The following SDCCAG8 variants were observed in gnomAD, a reference collection of about 807,000 sequenced individuals.
SDCCAG8 encodes SHH signaling and ciliogenesis regulator SDCCAG8.
Under a neutral mutation model 101.8 loss-of-function variants are expected in SDCCAG8, and 74 were observed. The ratio of observed to expected loss-of-function variants is 0.73; its 90% CI spans 0.60 to 0.88. SDCCAG8 has a LOEUF of 0.88. SDCCAG8 is among the 40% of genes least tolerant of loss of function. The pLI is 0.00. For synonymous variants in SDCCAG8, 281 were observed against 292.9 expected, an observed-to-expected ratio of 0.96 and a Z score of 0.41; for missense variants, 787 against 822.6, an observed-to-expected ratio of 0.96 and a Z score of 0.53.
At chr1:243,281,000 A>C (rs1181760302) in intron 4 of SDCCAG8, among the ~76,000 whole-genome samples, 2 of 152,068 alleles carry the variant, frequency 1.3e-5, no homozygotes, top group African/African-American at 4.8e-5. Flanking sequence ...GAAATTTCCA[A>C]CTGTAATAGT....
chr1:243,451,310 A>G (rs1168933414), intron 16 of SDCCAG8, among the ~76,000 whole-genome samples: 1 of 152,190 alleles, frequency 6.6e-6, no homozygotes, highest in Non-Finnish European at 1.5e-5. Context: ...AAGATGGAAA[A>G]CATTCATGCC....
At position 243,304,736 on chromosome 1, in the gene SDCCAG8, G is replaced by A. The variant is rs1200233237; in HGVS notation, c.699G>A (p.Glu233=). The change falls in exon 7 of 18, where the codon GAG becomes GAA. Residue 233 remains glutamate (E), a synonymous_variant. Transcript: ENST00000366541. The stretch of plus-strand genomic sequence containing the variant: ...AGGAGAAGCTAAAACTTACTTATGA[G>A]GAAAAGTGTGAAATTGAGGAATCCC... ...LELEKLKLTY[E]EKCEIEESQL... 6.3e-7 allele frequency: 1 copy of A among 1,593,324 alleles called. No homozygotes were observed. The highest frequency in any genetic ancestry group is 1.3e-5 in the African/African-American group (1 of 74,480).
At chr1:243,488,618 C>T (rs1212826451) in intron 16 of SDCCAG8, among the ~76,000 whole-genome samples, 5 of 152,182 alleles carry the variant, frequency 3.3e-5, no homozygotes, top group Non-Finnish European at 7.4e-5. Context: ...AGTGTTTCCA[C>T]GGCCCTCACC....
At chr1:243,362,368 A>G (rs1332099564) in intron 12 of SDCCAG8, among the ~76,000 whole-genome samples, 2 of 152,186 alleles carry the variant, frequency 1.3e-5, no homozygotes, top group Non-Finnish European at 2.9e-5. Context: ...GACTGCCTCA[A>G]GTAACACAGT....
At chr1:243,282,817 G>GT (rs1232003136) in intron 4 of SDCCAG8, among the ~76,000 whole-genome samples, 3 of 151,808 alleles carry the variant, frequency 2.0e-5, no homozygotes, top group Admixed American at 6.6e-5. Flanking sequence ...TAAGGTTTTT[G>GT]TTTTTTTGTT....
At chr1:243,425,429 G>A (rs1315789358) in intron 15 of SDCCAG8, among the ~76,000 whole-genome samples, 1 of 152,088 alleles carries the variant, frequency 6.6e-6, no homozygotes, top group African/African-American at 2.4e-5. Context: ...TGAACAATTT[G>A]TAAAGTAAGA....
intron 16 of SDCCAG8, among the ~76,000 whole-genome samples, chr1:243,481,994 A>T (rs189478217): frequency 6.6e-6 from 1 of 152,344 alleles, no homozygotes; most frequent in African/African-American, 2.4e-5. Context: ...TGCTAGGTTC[A>T]CAAGTGTTCA....
At chr1:243,417,837 C>T (rs2080703545) in intron 14 of SDCCAG8, 131 bp from the exon 15 acceptor site, 3 of 708,568 alleles carry the variant, frequency 4.2e-6, no homozygotes, top group Non-Finnish European at 7.8e-6. Context: ...TGACTTAGGA[C>T]ATTGAAGGTG....
In SDCCAG8 at chr1:243,256,097, C is replaced by T; in HGVS notation, c.-77C>T. ...GAAGCAGGCGGGCGCTCCCCGGCCA[C>T]AGGCCTGTTGTTCTCGGAAGGGAGA... On this transcript the variant is annotated 5_prime_UTR_variant, in exon 1 of 18. Transcript: ENST00000366541. 1 of 1,414,868 alleles carries T rather than the reference C, an allele frequency of 7.1e-7. No individual in the cohort carries two copies. The highest frequency in any genetic ancestry group is 1.0e-6 in the Non-Finnish European group (1 of 998,470). The allele number at this position is 1,414,868 out of a possible 1,614,324, so 87.6% of individuals were successfully genotyped here.
intron 16 of SDCCAG8, among the ~76,000 whole-genome samples, chr1:243,430,921 G>C (rs185371285): frequency 6.6e-6 from 1 of 152,094 alleles, no homozygotes; most frequent in African/African-American, 2.4e-5. Flanking sequence ...GTTATGGGCC[G>C]GGCGTGGTGG....
intron 9 of SDCCAG8, among the ~76,000 whole-genome samples, chr1:243,323,239 C>T (rs940550146): frequency 1.1e-4 from 17 of 151,980 alleles, no homozygotes; most frequent in Non-Finnish European, 1.9e-4. Context: ...AGTTGAAGAC[C>T]TTATATACTC....
At chr1:243,484,293 C>A (rs1179673600) in intron 16 of SDCCAG8, among the ~76,000 whole-genome samples, 1 of 152,240 alleles carries the variant, frequency 6.6e-6, no homozygotes, top group Admixed American at 6.5e-5. Flanking sequence ...TTTCCAGACA[C>A]GCATTGGCCT....
chr1:243,317,900 G>T, intron 9 of SDCCAG8: 1 of 336,592 alleles, frequency 3.0e-6, no homozygotes, highest in Non-Finnish European at 5.9e-6. Flanking sequence ...GAAAAGTTTT[G>T]TTGGATAGCA....
intron 12 of SDCCAG8, among the ~76,000 whole-genome samples, chr1:243,360,648 C>G (rs535859006): frequency 6.6e-6 from 1 of 151,998 alleles, no homozygotes; most frequent in African/African-American, 2.4e-5. Context: ...ATGGTGAAAC[C>G]CTGTCTCTAC....
intron 5 of SDCCAG8, among the ~76,000 whole-genome samples, chr1:243,289,349 C>A (rs1236007011): frequency 5.3e-5 from 8 of 152,128 alleles, no homozygotes; most frequent in Non-Finnish European, 1.5e-5. Flanking sequence ...TGGTGCCCAC[C>A]CAGATTAAGG....
At chr1:243,352,218 A>G (rs1393091936) in intron 12 of SDCCAG8, among the ~76,000 whole-genome samples, 1 of 152,242 alleles carries the variant, frequency 6.6e-6, no homozygotes, top group African/African-American at 2.4e-5. Context: ...ATAAGAGTAC[A>G]AATAGGAAAT....
At chr1:243,279,958 A>G (rs2068891556) in intron 4 of SDCCAG8, among the ~76,000 whole-genome samples, 1 of 152,200 alleles carries the variant, frequency 6.6e-6, no homozygotes, top group Non-Finnish European at 1.5e-5. Context: ...TTTATGAAAT[A>G]TATTATAGAT....
At chr1:243,332,309 CT>C (rs554894313) in intron 10 of SDCCAG8, among the ~76,000 whole-genome samples, 3 of 152,166 alleles carry the variant, frequency 2.0e-5, no homozygotes, top group Non-Finnish European at 4.4e-5. Context: ...CATTGAATGG[CT>C]TTGAATTTGT....
intron 6 of SDCCAG8, among the ~76,000 whole-genome samples, chr1:243,303,410 T>C (rs1401280153): frequency 6.6e-6 from 1 of 152,124 alleles, no homozygotes; most frequent in Admixed American, 6.5e-5. Context: ...ACCACGTGTT[T>C]CCATAAAGTT....
Sources: gnomAD v4.1 joint callset for allele counts (sites outside exome capture counted in the v4.1 genomes callset) on GRCh38, gnomAD v4.1.1 for gene constraint, MANE v1.5 for transcripts, NCBI Gene and HGNC (gene_info 2026-07-23, HGNC 2026-07-21) for gene names.